Variants in THAP7 observed in about 807,000 individuals in gnomAD.
THAP7 encodes the protein THAP domain-containing protein 7.
THAP7 carries 22 observed loss-of-function variants against 29.2 expected under a neutral mutation model. The observed-to-expected ratio is 0.75, with a 90% CI of 0.54 to 1.08. The LOEUF (loss-of-function observed/expected upper bound fraction) is 1.08. Ranked by LOEUF, THAP7 falls within the 50% of genes least tolerant of loss-of-function variation. The pLI, the probability that THAP7 is intolerant of heterozygous loss-of-function variation, is 0.00. For synonymous variants in THAP7, 208 were observed against 173.4 expected, an observed-to-expected ratio of 1.20 and a Z score of -1.57; for missense variants, 448 against 416.2, an observed-to-expected ratio of 1.08 and a Z score of -0.66.
intron 1 of THAP7, 141 bp downstream of exon 1, chr22:21,001,691 G>T: frequency 9.6e-7 from 1 of 1,044,386 alleles, no homozygotes; most frequent in Non-Finnish European, 1.3e-6. Flanking sequence ...GTCCCGCCGG[G>T]ACCGTTCCGC....
chr22:21,000,067 A>G lies in THAP7; in HGVS notation c.743T>C (p.Leu248Pro). The G allele has an allele frequency of 6.2e-7, 1 of 1,612,982 alleles. No individual in the cohort carries two copies. The highest frequency in any genetic ancestry group is 8.5e-7 in the Non-Finnish European group (1 of 1,179,932). ...GCGCTGGGCCTTGTCAAGGGCATCA[A>G]GGGCTGCCTCGGCTCGCCGCTTCCA... is the stretch of plus-strand genomic sequence containing the variant. ...LLWKRRAEAA[L>P]DALDKAQRQL... The change falls in exon 4 of 4, where the codon CTT becomes CCT. Residue 248 changes from leucine (L) to proline (P), a missense_variant. Transcript: ENST00000215742.
chr22:21,001,153 C>T lies in THAP7; in HGVS notation c.236+103G>A, dbSNP rs969606465. ...GCAGAGCTGGGAACAGGAAACAGCCCCCTTGGACGCAGGCTGCTCAAGGGA... is the reference window on the plus strand; with the variant it reads ...GCAGAGCTGGGAACAGGAAACAGCCTCCTTGGACGCAGGCTGCTCAAGGGA... On this transcript the variant is annotated intron_variant, in intron 2 of 3. Coordinates refer to ENST00000215742, the MANE Select transcript of THAP7 (RefSeq NM_030573.3). 1.1e-5 allele frequency: 16 copies of T among 1,506,822 alleles called. No homozygotes were observed. In the Admixed American group the frequency reaches 2.0e-4, roughly 19 times the overall value. The allele number at this position is 1,506,822 out of a possible 1,614,324, so 93.3% of individuals were successfully genotyped here. A position where few individuals can be genotyped will look rare whatever the true frequency, so the allele number is the denominator to read the frequency against.
In THAP7 at chr22:21,002,000, G is replaced by A; in HGVS notation, c.-89C>T. 7.5e-7 allele frequency: 1 copy of A among 1,331,086 alleles called. No homozygotes were observed. The highest frequency in any genetic ancestry group is 1.5e-5 in the South Asian group (1 of 68,638). 82.5% of individuals were successfully genotyped at this position (1,331,086 alleles called of 1,614,324 possible). ...TCCAGCCGCCGCTCCTCCCCAAGGG[G>A]CTCTGGCCTGTCGGGTCCCCCCCGG... On this transcript the variant is annotated 5_prime_UTR_variant, in exon 1 of 4. Transcript: ENST00000215742.
At chr22:21,000,896 T>G in intron 2 of THAP7, 109 bp from the exon 3 acceptor site, 1 of 1,532,740 alleles carries the variant, frequency 6.5e-7, no homozygotes, top group African/African-American at 1.4e-5. Context: ...GTGCAAACAA[T>G]ACGTCTGGGG....
chr22:21,000,525 ACCCGATC>A, intron 3 of THAP7, 93 bp from the exon 4 acceptor site: 3 of 1,567,806 alleles, frequency 1.9e-6, no homozygotes, highest in Non-Finnish European at 2.6e-6. Context: ...TAACACCCAA[ACCCGATC>A]CACAGGTTCT....
At position 21,001,841 on chromosome 22, in the gene THAP7, G is replaced by A. The variant is rs1355360528; in HGVS notation, c.71C>T (p.Ser24Phe). The A allele has an allele frequency of 3.2e-6, 5 of 1,557,812 alleles. No individual in the cohort carries two copies. Among genetic ancestry groups the A allele is most frequent in the Non-Finnish European group, 4.3e-6 (5 of 1,153,126 alleles). ...DTRETRNRGI[S>F]FHRLPKKDNP... ...GCGCACGCGCGCTGACCTGTGGAAG[G>A]AGATGCCGCGGTTGCGCGTCTCGCG... Residue 24 changes from serine to phenylalanine, a missense_variant, in exon 1 of 4, where the codon TCC becomes TTC. Physicochemically the swap from Ser to Phe is radical, Grantham distance 155. Transcript: ENST00000215742.
At position 21,000,714 on chromosome 22, in the gene THAP7, T is replaced by C; in HGVS notation, c.310A>G (p.Lys104Glu). Residue 104 changes from lysine to glutamate, a missense_variant, in exon 3 of 4, where the codon AAG (lysine) becomes GAG (glutamate). Transcript: ENST00000215742. ...GGTGGGTAACTGTGTCCTTTGGTCT[T>C]GGTTGTCCGGCGCAACTTGGAGAAA... ...ESFSKLRRTT[K>E]TKGHSYPPGP... 1.2e-6 allele frequency: 2 copies of C among 1,614,176 alleles called. No individual in the cohort carries two copies. The highest frequency in any genetic ancestry group is 1.7e-6 in the Non-Finnish European group (2 of 1,180,018).
At chr22:21,001,729 T>G (rs1006561957) in intron 1 of THAP7, 103 bp downstream of exon 1, 6 of 1,268,956 alleles carry the variant, frequency 4.7e-6, no homozygotes, top group Non-Finnish European at 6.4e-6. Flanking sequence ...GGTTCAAGCC[T>G]CCTCAGTATC....
rs922689197 is a variant in THAP7 at position 21,002,069 on chromosome 22, C to T, written c.-158G>A. On this transcript the variant is annotated 5_prime_UTR_variant, in exon 1 of 4. Transcript: ENST00000215742. ...CCGTCCCAGCCGATTCTCTTGACTT[C>T]TGTCAGCGGCACTCACGCTCTGGCC... The T allele has an allele frequency of 7.6e-6, 5 of 660,080 alleles. No individual in the cohort carries two copies. The highest frequency in any genetic ancestry group is 3.5e-5 in the Admixed American group (1 of 28,682). The allele number at this position is 660,080 out of a possible 1,614,324, so 40.9% of individuals were successfully genotyped here.
intron 3 of THAP7, 55 bp from the exon 4 acceptor site, chr22:21,000,487 C>A (rs1000682653): frequency 3.9e-6 from 6 of 1,537,934 alleles, no homozygotes; most frequent in Non-Finnish European, 5.2e-6. Flanking sequence ...TGCCAGACCC[C>A]CCTCCACCAG....
chr22:21,002,027 C>T lies in THAP7; in HGVS notation c.-116G>A. The T allele has an allele frequency of 2.0e-6, 2 of 975,852 alleles. No homozygotes were observed. Among genetic ancestry groups the T allele is most frequent in the Non-Finnish European group, 2.9e-6 (2 of 687,662 alleles). The allele number at this position is 975,852 out of a possible 1,614,324, so 60.4% of individuals were successfully genotyped here. ...TCTGGCCTGTCGGGTCCCCCCCGGC[C>T]CGTTGTCGCCCCAACCCCGTCCCAG... On this transcript the variant is annotated 5_prime_UTR_variant, in exon 1 of 4. Transcript: ENST00000215742.
chr22:21,001,963 G>A lies in THAP7; in HGVS notation c.-52C>T, dbSNP rs1316476522. ...CAAGCGGCTCTCCGGGCATCCGGAG[G>A]AGCCTCGCGCCTCCAGCCGCCGCTC... On this transcript the variant is annotated 5_prime_UTR_variant, in exon 1 of 4. Transcript: ENST00000215742. 2.9e-5 allele frequency: 43 copies of A among 1,495,390 alleles called. No individual in the cohort carries two copies. The East Asian group carries it at 1.0e-3, about 35-fold the overall frequency. The allele number at this position is 1,495,390 out of a possible 1,614,324, so 92.6% of individuals were successfully genotyped here. A position where few individuals can be genotyped will look rare whatever the true frequency, so the allele number is the denominator to read the frequency against.
chr22:21,001,894 G>A lies in THAP7; in HGVS notation c.18C>T (p.Ser6=), dbSNP rs758896843. The change falls in exon 1 of 4, where the codon TCC becomes TCT. Residue 6 remains serine, a synonymous_variant. Coordinates refer to ENST00000215742, the MANE Select transcript of THAP7 (RefSeq NM_030573.3). ...TGTCCCGTGTGCAGCAGCCGGCGGC[G>A]GAGCAGTGACGCGGCATCTGGGAAA... MPRHC[S]AAGCCTRDTR... 1.8e-5 allele frequency: 29 copies of A among 1,571,890 alleles called. No homozygotes were observed. Among genetic ancestry groups the A allele is most frequent in the Non-Finnish European group, 2.2e-5 (25 of 1,159,960 alleles).
intron 3 of THAP7, 56 bp from the exon 4 acceptor site, chr22:21,000,488 C>G: frequency 6.5e-7 from 1 of 1,537,132 alleles, no homozygotes; most frequent in Non-Finnish European, 8.7e-7. Context: ...GCCAGACCCC[C>G]CTCCACCAGC....
intron 1 of THAP7, 127 bp downstream of exon 1, chr22:21,001,705 A>G: frequency 9.0e-7 from 1 of 1,111,632 alleles, no homozygotes; most frequent in Non-Finnish European, 1.2e-6. Flanking sequence ...GTTCCGCTTC[A>G]CCTCCCACCC....
chr22:21,001,800 CGCACGTGAGCCCGCG>C lies in THAP7; in HGVS notation c.80+17_80+31del. The C allele has an allele frequency of 6.5e-7, 1 of 1,537,612 alleles. No homozygotes were observed. The highest frequency in any genetic ancestry group is 1.4e-5 in the African/African-American group (1 of 72,612). ...CGAGGCGAGCAACAACTAGCGCATG[CGCACGTGAGCCCGCG>C]GCGCACGCGCGCTGACCTGTGGAAG... On this transcript the variant is annotated intron_variant, in intron 1 of 3. Transcript: ENST00000215742.
Position 21,000,222 on chromosome 22 carries a change from T to G in THAP7, c.588A>C (p.Ser196=). The G allele has an allele frequency of 6.4e-7, 1 of 1,558,562 alleles. No homozygotes were observed. The highest frequency in any genetic ancestry group is 8.7e-7 in the Non-Finnish European group (1 of 1,151,190). The part of the protein sequence containing the change: ...ADEAGCSAQP[S]PERQPSPLEP... ...CGAGAGGGGAGGGCTGCCGCTCTGGTGAAGGCTGGGCGCTGCAGCCTGCTT... is the reference window on the plus strand; with the variant it reads ...CGAGAGGGGAGGGCTGCCGCTCTGGGGAAGGCTGGGCGCTGCAGCCTGCTT... Residue 196 remains serine (S), a synonymous_variant, in exon 4 of 4, where the codon TCA becomes TCC. Coordinates refer to ENST00000215742, the MANE Select transcript of THAP7 (RefSeq NM_030573.3).
rs538305674 is a variant in THAP7 at position 21,000,172 on chromosome 22, G to A, written c.638C>T (p.Ala213Val). ...GGGTGGGGGCAGGCGCAGCATATAC[G>A]CTGAGGGGGAGACTGGCCGTGGTTC... Reference protein sequence around the residue: ...PLEPRPVSPSAYMLRLPPPAG... With the variant: ...PLEPRPVSPSVYMLRLPPPAG... The change falls in exon 4 of 4, where the codon GCG (alanine) becomes GTG (valine). Residue 213 changes from alanine to valine, a missense_variant. Physicochemically the swap from Ala to Val is moderately conservative, Grantham distance 64. Transcript: ENST00000215742. 2.4e-5 allele frequency: 37 copies of A among 1,574,070 alleles called. No homozygotes were observed. In the East Asian group the frequency reaches 3.8e-4, roughly 16 times the overall value.
chr22:21,000,954 C>G (rs1925129809), intron 2 of THAP7, 167 bp from the exon 3 acceptor site: 2 of 1,102,812 alleles, frequency 1.8e-6, no homozygotes, highest in Non-Finnish European at 2.6e-6. Flanking sequence ...GGACTCCTCA[C>G]AGTCCAGGTG....
Sources: allele counts gnomAD v4.1 joint callset, GRCh38; gene constraint gnomAD v4.1.1; transcripts MANE v1.5; gene names NCBI Gene and HGNC (gene_info 2026-07-23, HGNC 2026-07-21).